Variants in RALYL observed in about 807,000 individuals in gnomAD.
The protein encoded by RALYL is RALY RNA binding protein like, also known as RNA-binding Raly-like protein.
Under a neutral mutation model 35.1 loss-of-function variants are expected in RALYL, and 29 were observed. The ratio of observed to expected loss-of-function variants is 0.83; its 90% CI spans 0.61 to 1.13. The LOEUF (loss-of-function observed/expected upper bound fraction) is 1.13. Ranked by LOEUF, RALYL falls within the 50% of genes most tolerant of loss-of-function variation. The pLI is 0.00. For synonymous variants in RALYL, 120 were observed against 127.6 expected (o/e 0.94, Z 0.40); for missense variants, 359 against 360.4 (o/e 1.00, Z 0.03).
chr8:84,702,166 C>T (rs368136534), intron 2 of RALYL, among the ~76,000 whole-genome samples: 1 of 152,126 alleles, frequency 6.6e-6, no homozygotes, highest in Non-Finnish European at 1.5e-5. Flanking sequence ...TGAACATTCT[C>T]TAAATTTTAG....
chr8:84,819,066 C>G (rs1403931010), intron 4 of RALYL, among the ~76,000 whole-genome samples: 1 of 152,110 alleles, frequency 6.6e-6, no homozygotes, highest in African/African-American at 2.4e-5. Context: ...TCAATTTTCT[C>G]TATGTCTGCA....
chr8:84,211,083 T>C (rs1819388061), intron 1 of RALYL, among the ~76,000 whole-genome samples: 1 of 152,138 alleles, frequency 6.6e-6, no homozygotes, highest in Non-Finnish European at 1.5e-5. Context: ...TCACTGTCTT[T>C]ATATAATCCC....
chr8:84,483,930 A>G (rs1321098681), intron 1 of RALYL, among the ~76,000 whole-genome samples: 3 of 152,126 alleles, frequency 2.0e-5, no homozygotes, highest in Admixed American at 6.6e-5. Flanking sequence ...TTGGGTAGAC[A>G]TTAGTGAATT....
chr8:84,365,217 C>T (rs1408882860), intron 1 of RALYL, among the ~76,000 whole-genome samples: 2 of 152,122 alleles, frequency 1.3e-5, no homozygotes, highest in Non-Finnish European at 2.9e-5. Context: ...CTTGGGCATA[C>T]ATGTATGATA....
intron 2 of RALYL, among the ~76,000 whole-genome samples, chr8:84,731,364 A>T (rs1407701727): frequency 1.3e-5 from 2 of 152,144 alleles, no homozygotes; most frequent in African/African-American, 2.4e-5. Context: ...TATTTTATTT[A>T]AGGGCATAGA....
At chr8:84,855,337 C>G (rs1738997813) in intron 5 of RALYL, among the ~76,000 whole-genome samples, 1 of 152,196 alleles carries the variant, frequency 6.6e-6, no homozygotes, top group African/African-American at 2.4e-5. Context: ...ATTATATTGT[C>G]ATACTCTTTC....
chr8:84,735,899 CAG>C (rs1162851726), intron 2 of RALYL, among the ~76,000 whole-genome samples: 1 of 151,692 alleles, frequency 6.6e-6, no homozygotes, highest in African/African-American at 2.4e-5. Context: ...ATCTCAGACA[CAG>C]AAATTTTTAT....
chr8:84,816,032 C>CAA (rs5892931), intron 4 of RALYL, among the ~76,000 whole-genome samples: 15 of 84,164 alleles, frequency 1.8e-4, no homozygotes, highest in East Asian at 3.4e-4. Flanking sequence ...GACTCTGTCT[C>CAA]AAAAAAAAAA....
chr8:84,184,523 T>TGC (rs1811971349), intron 1 of RALYL, 99 bp downstream of exon 1: 1 of 163,692 alleles, frequency 6.1e-6, no homozygotes, highest in Non-Finnish European at 1.3e-5. Flanking sequence ...TGTCTGTGTT[T>TGC]GCGCGCGCGC....
At chr8:84,510,580 G>A (rs2057526912) in intron 1 of RALYL, among the ~76,000 whole-genome samples, 1 of 152,120 alleles carries the variant, frequency 6.6e-6, no homozygotes, top group Non-Finnish European at 1.5e-5. Flanking sequence ...GGAGGCCGAG[G>A]TGGGCGGATC....
At chr8:84,513,350 A>G (rs1235148154) in intron 1 of RALYL, among the ~76,000 whole-genome samples, 2 of 152,078 alleles carry the variant, frequency 1.3e-5, no homozygotes, top group African/African-American at 2.4e-5. Context: ...AGTTGATTTT[A>G]TATCCAGCAA....
At chr8:84,674,867 A>C (rs1271971026) in intron 2 of RALYL, among the ~76,000 whole-genome samples, 1 of 152,106 alleles carries the variant, frequency 6.6e-6, no homozygotes, top group East Asian at 1.9e-4. Context: ...TTTGAAACCA[A>C]ATTGTATACA....
At chr8:84,387,473 A>C (rs886721561) in intron 1 of RALYL, among the ~76,000 whole-genome samples, 8 of 151,850 alleles carry the variant, frequency 5.3e-5, no homozygotes, top group Admixed American at 2.6e-4. Context: ...AATTCAGGTA[A>C]ACTTCAAAAT....
At chr8:84,436,543 GTTTTTTTT>G (rs150233257) in intron 1 of RALYL, among the ~76,000 whole-genome samples, 2 of 62,396 alleles carry the variant, frequency 3.2e-5, no homozygotes, top group African/African-American at 8.0e-5. Context: ...AATCATGGGA[GTTTTTTTT>G]TTTTTTTTTT....
At chr8:84,357,789 A>G (rs1852167529) in intron 1 of RALYL, among the ~76,000 whole-genome samples, 1 of 147,952 alleles carries the variant, frequency 6.8e-6, no homozygotes, top group South Asian at 2.1e-4. Flanking sequence ...TTATATATTT[A>G]TATATATTTT....
intron 2 of RALYL, among the ~76,000 whole-genome samples, chr8:84,627,138 G>A (rs1016546193): frequency 6.6e-6 from 1 of 151,972 alleles, no homozygotes; most frequent in African/African-American, 2.4e-5. Flanking sequence ...GAAGCATATG[G>A]TTCTTAACCT....
At chr8:84,781,603 T>C (rs529406203) in intron 3 of RALYL, among the ~76,000 whole-genome samples, 2 of 152,336 alleles carry the variant, frequency 1.3e-5, no homozygotes, top group Non-Finnish European at 2.9e-5. Flanking sequence ...TTACTATTTG[T>C]TTGGTTTGAC....
intron 2 of RALYL, among the ~76,000 whole-genome samples, chr8:84,656,259 A>G (rs1214693691): frequency 6.6e-6 from 1 of 152,156 alleles, no homozygotes; most frequent in Non-Finnish European, 1.5e-5. Context: ...GCAGGCCCCA[A>G]GACAAGTCCC....
intron 2 of RALYL, among the ~76,000 whole-genome samples, chr8:84,568,898 G>T (rs1807169654): frequency 1.3e-5 from 2 of 151,868 alleles, no homozygotes; most frequent in Admixed American, 6.6e-5. Context: ...TGATGGGGTT[G>T]TTTTTTTCTT....
Sources: gnomAD v4.1 joint callset for allele counts (sites outside exome capture counted in the v4.1 genomes callset) on GRCh38, gnomAD v4.1.1 for gene constraint, MANE v1.5 for transcripts, NCBI Gene and HGNC (gene_info 2026-07-23, HGNC 2026-07-21) for gene names.